The following PHF21B variants were observed in gnomAD, a reference collection of about 807,000 sequenced individuals.
PHF21B encodes the protein PHD finger protein 21B.
Under a neutral mutation model 62.2 loss-of-function variants are expected in PHF21B, and 22 were observed. That is an observed-to-expected ratio of 0.35 (90% CI 0.25 to 0.51). The LOEUF (loss-of-function observed/expected upper bound fraction) is 0.51. PHF21B is among the 20% of genes least tolerant of loss of function. The pLI, the probability that PHF21B is intolerant of heterozygous loss-of-function variation, is 0.97. For missense variants in PHF21B, 701 were observed against 707.9 expected (o/e 0.99, Z 0.11); for synonymous variants, 341 against 314.7 (o/e 1.08, Z -0.88).
intron 2 of PHF21B, among the ~76,000 whole-genome samples, chr22:44,942,809 T>G (rs2071985342): frequency 6.6e-6 from 1 of 152,152 alleles, no homozygotes; most frequent in African/African-American, 2.4e-5. Flanking sequence ...GTGCAGGAGT[T>G]GGTTCAGCAG....
At chr22:44,962,619 G>A (rs2072446099) in intron 2 of PHF21B, among the ~76,000 whole-genome samples, 1 of 152,120 alleles carries the variant, frequency 6.6e-6, no homozygotes, top group African/African-American at 2.4e-5. Context: ...CATCAGTCAG[G>A]GACCATCTGT....
At chr22:44,935,945 C>G (rs571118288) in intron 2 of PHF21B, among the ~76,000 whole-genome samples, 1 of 152,212 alleles carries the variant, frequency 6.6e-6, no homozygotes, top group African/African-American at 2.4e-5. Context: ...CCTGGCGCCA[C>G]GCCGTGCTGC....
intron 2 of PHF21B, among the ~76,000 whole-genome samples, chr22:44,983,178 G>A (rs2072873922): frequency 6.6e-6 from 1 of 151,620 alleles, no homozygotes; most frequent in African/African-American, 2.4e-5. Flanking sequence ...AGGTTACAGT[G>A]AGCCGAGATC....
intron 2 of PHF21B, among the ~76,000 whole-genome samples, chr22:44,998,834 C>T (rs1003817108): frequency 2.1e-4 from 32 of 152,176 alleles, no homozygotes; most frequent in African/African-American, 6.3e-4. Flanking sequence ...TCGGGAATCA[C>T]GCCCGGTGCG....
At chr22:44,946,204 G>A (rs115491477) in intron 2 of PHF21B, among the ~76,000 whole-genome samples, 2,163 of 152,114 alleles carry the variant, frequency 0.014, 59 homozygotes, top group African/African-American at 0.05. Flanking sequence ...AGAGTGGAGG[G>A]GGCACCACGT....
intron 7 of PHF21B, among the ~76,000 whole-genome samples, chr22:44,893,180 C>T (rs1845512024): frequency 6.6e-6 from 1 of 152,218 alleles, no homozygotes; most frequent in Non-Finnish European, 1.5e-5. Context: ...GGTGAAGAGG[C>T]AAGAAGCCGG....
intron 2 of PHF21B, among the ~76,000 whole-genome samples, chr22:44,955,518 CG>C (rs1303533162): frequency 3.3e-5 from 5 of 152,182 alleles, no homozygotes; most frequent in Admixed American, 6.5e-5. Context: ...GCCACCAATT[CG>C]GGTGGGCATC....
At chr22:44,931,458 T>TA (rs1188165959) in intron 2 of PHF21B, among the ~76,000 whole-genome samples, 1 of 152,130 alleles carries the variant, frequency 6.6e-6, no homozygotes, top group African/African-American at 2.4e-5. Flanking sequence ...CAGCTGCTCT[T>TA]AATCAAAAAG....
intron 2 of PHF21B, among the ~76,000 whole-genome samples, chr22:44,950,135 G>A (rs1015024131): frequency 6.6e-6 from 1 of 152,184 alleles, no homozygotes; most frequent in Admixed American, 6.5e-5. Flanking sequence ...AATCAAAGAC[G>A]TGAATACCAG....
rs192412459 is a variant in PHF21B, at chr22:44,976,832, T to C, written c.120+31713A>G. ...ATAATACCAGAAGCATCCATGTACATAGCACTCGGGTTAAGAAAGTGGCCA... is the reference window on the plus strand; with the variant it reads ...ATAATACCAGAAGCATCCATGTACACAGCACTCGGGTTAAGAAAGTGGCCA... On this transcript the variant is annotated intron_variant, in intron 2 of 12. Transcript: ENST00000313237. 6.6e-5 allele frequency among the ~76,000 whole-genome samples: 10 copies of C among 152,346 alleles called. No homozygotes were observed. The East Asian group carries it at 1.7e-3, about 26-fold the overall frequency.
chr22:44,920,384 C>A lies in PHF21B; in HGVS notation c.213+14G>T, dbSNP rs546309993. 2 of 1,598,320 alleles carry A rather than the reference C, an allele frequency of 1.3e-6. No homozygotes were observed. The highest frequency in any genetic ancestry group is 1.7e-6 in the Non-Finnish European group (2 of 1,170,628). ...ACAGACGGACACCCCAGGGCCCGCC[C>A]GAGGGCTGCTTACCTGAGGTAGCAC... is the stretch of plus-strand genomic sequence containing the variant. On this transcript the variant is annotated intron_variant, in intron 3 of 12. Coordinates refer to ENST00000313237, the MANE Select transcript of PHF21B (RefSeq NM_138415.5).
At chr22:44,899,268 G>GCC (rs1216083668) in intron 5 of PHF21B, among the ~76,000 whole-genome samples, 1 of 149,398 alleles carries the variant, frequency 6.7e-6, no homozygotes, top group Non-Finnish European at 1.5e-5. Flanking sequence ...TCTATGACAT[G>GCC]CCCCTCTGTT....
In PHF21B at chr22:44,916,452, T is replaced by C; in HGVS notation, c.392A>G (p.Gln131Arg). Residue 131 changes from glutamine (Q) to arginine (R), a missense_variant, in exon 4 of 13, where the codon CAG becomes CGG. By Grantham distance (43) the Gln-to-Arg change is conservative. Coordinates refer to ENST00000313237, the MANE Select transcript of PHF21B (RefSeq NM_138415.5). ...GAGGGCGGCGGGCTCGGCGAGGGCC[T>C]GGGGCTGGCTGCCGGGCGCTGGCAC... is the stretch of plus-strand genomic sequence containing the variant. The part of the protein sequence containing the change: ...SHVPAPGSQP[Q>R]ALAEPAALAS... 6.3e-7 allele frequency: 1 copy of C among 1,597,710 alleles called. No individual in the cohort carries two copies. Among genetic ancestry groups the C allele is most frequent in the South Asian group, 1.1e-5 (1 of 90,552 alleles).
chr22:44,933,734 G>GAGAGAC (rs1555943764), intron 2 of PHF21B, among the ~76,000 whole-genome samples: 13 of 148,884 alleles, frequency 8.7e-5, no homozygotes, highest in African/African-American at 2.5e-4. Flanking sequence ...GAGAGAGAGA[G>GAGAGAC]AGACAGACAG....
intron 2 of PHF21B, among the ~76,000 whole-genome samples, chr22:44,966,255 G>A (rs1036723686): frequency 6.6e-5 from 10 of 152,202 alleles, no homozygotes; most frequent in Non-Finnish European, 1.2e-4. Context: ...CCCCAACCAC[G>A]CGACGAGCCC....
At chr22:44,951,442 ACCT>A (rs1235843332) in intron 2 of PHF21B, among the ~76,000 whole-genome samples, 1 of 151,726 alleles carries the variant, frequency 6.6e-6, no homozygotes, top group Non-Finnish European at 1.5e-5. Flanking sequence ...CCCACTCCTC[ACCT>A]CCTGCTGTGA....
intron 2 of PHF21B, among the ~76,000 whole-genome samples, chr22:44,973,566 AG>A (rs2147455177): frequency 6.6e-6 from 1 of 152,210 alleles, no homozygotes; most frequent in Non-Finnish European, 1.5e-5. Context: ...CTTAAAACCT[AG>A]GGGCTCAGCG....
At chr22:44,993,187 C>T (rs1175148130) in intron 2 of PHF21B, among the ~76,000 whole-genome samples, 4 of 152,162 alleles carry the variant, frequency 2.6e-5, no homozygotes, top group Non-Finnish European at 4.4e-5. Flanking sequence ...GCTGGCTGGG[C>T]GGTCTGGGCT....
At position 44,919,715 on chromosome 22, in the gene PHF21B, G is replaced by A. The variant is rs563445917; in HGVS notation, c.213+683C>T. Among the ~76,000 whole-genome samples, 9 of 152,358 alleles carry A rather than the reference G, an allele frequency of 5.9e-5. No homozygotes were observed. The East Asian group carries it at 1.7e-3, about 29-fold the overall frequency. On this transcript the variant is annotated intron_variant, in intron 3 of 12. Coordinates refer to ENST00000313237, the MANE Select transcript of PHF21B (RefSeq NM_138415.5). ...CAAAGCTGAGCTTGTGGTAATAAGGGAGCTGGCTAATAACTACCTGGCGTT... is the reference window on the plus strand; with the variant it reads ...CAAAGCTGAGCTTGTGGTAATAAGGAAGCTGGCTAATAACTACCTGGCGTT...
Sources: allele counts gnomAD v4.1 joint callset (sites outside exome capture counted in the v4.1 genomes callset), GRCh38; gene constraint gnomAD v4.1.1; transcripts MANE v1.5; gene names NCBI Gene and HGNC (gene_info 2026-07-23, HGNC 2026-07-21).